The following IFT43 variants were observed in gnomAD, a reference collection of about 807,000 sequenced individuals.
IFT43 encodes intraflagellar transport protein 43 homolog.
A neutral mutation model predicts 32.3 loss-of-function variants in IFT43; 33 were observed. The observed-to-expected ratio is 1.02, with a 90% CI of 0.77 to 1.37. The LOEUF (loss-of-function observed/expected upper bound fraction) is 1.37, where lower values mean the gene tolerates loss of function less well. IFT43 is among the 40% of genes most tolerant of loss of function. The pLI is 0.00. For synonymous variants in IFT43, 93 were observed against 98.2 expected (o/e 0.95, Z 0.31); for missense variants, 274 against 265.9 (o/e 1.03, Z -0.21).
intron 2 of IFT43, among the ~76,000 whole-genome samples, chr14:75,996,205 G>A (rs2035744839): frequency 6.6e-6 from 1 of 152,216 alleles, no homozygotes. Flanking sequence ...TGCACTGTGA[G>A]TCCTCTCTTG....
intron 3 of IFT43, among the ~76,000 whole-genome samples, chr14:76,036,060 T>C (rs1371048055): frequency 6.6e-6 from 1 of 152,220 alleles, no homozygotes; most frequent in Non-Finnish European, 1.5e-5. Context: ...TGACGATATA[T>C]AAATAATAAA....
chr14:76,003,664 G>A (rs1352371917), intron 2 of IFT43, among the ~76,000 whole-genome samples: 2 of 151,860 alleles, frequency 1.3e-5, no homozygotes, highest in African/African-American at 4.8e-5. Flanking sequence ...CATATAAAAT[G>A]TGAGACCCTT....
intron 3 of IFT43, among the ~76,000 whole-genome samples, chr14:76,042,698 A>G (rs181041777): frequency 4.6e-5 from 7 of 152,304 alleles, no homozygotes; most frequent in Non-Finnish European, 8.8e-5. Flanking sequence ...ATTAAGTTCA[A>G]TTACGCATTG....
chr14:75,998,175 G>C (rs1042574170), intron 2 of IFT43, among the ~76,000 whole-genome samples: 1 of 152,058 alleles, frequency 6.6e-6, no homozygotes, highest in Admixed American at 6.5e-5. Context: ...TCATCTCTCT[G>C]ACCAATTGCA....
In IFT43 at chr14:76,060,229, A is replaced by T. The variant is rs534673074; in HGVS notation, c.295+856A>T. 2.3e-4 allele frequency among the ~76,000 whole-genome samples: 35 copies of T among 151,938 alleles called. 1 individual carries two copies. Among genetic ancestry groups the T allele is most frequent in the Middle Eastern group, 6.8e-3 (2 of 292 alleles). On this transcript the variant is annotated intron_variant, in intron 5 of 8. Coordinates refer to ENST00000314067, the MANE Select transcript of IFT43 (RefSeq NM_001102564.3). ...TATTATTGTTATTATTATTATTATT[A>T]TTTTTTGAGGCAGAGTCTCGCTGTG...
At chr14:76,083,159 T>G in intron 7 of IFT43, 68 bp from the exon 8 acceptor site, 1 of 1,572,512 alleles carries the variant, frequency 6.4e-7, no homozygotes, top group Non-Finnish European at 8.8e-7. Flanking sequence ...GATCCCGGTT[T>G]TGTGAGAAAG....
chr14:76,075,601 A>G (rs2037399192), intron 5 of IFT43, among the ~76,000 whole-genome samples: 2 of 152,258 alleles, frequency 1.3e-5, no homozygotes, highest in Non-Finnish European at 2.9e-5. Flanking sequence ...AGACCATGAA[A>G]TGCATGGAGT....
chr14:76,038,889 T>G (rs2036654556), intron 3 of IFT43, among the ~76,000 whole-genome samples: 1 of 152,138 alleles, frequency 6.6e-6, no homozygotes, highest in Non-Finnish European at 1.5e-5. Flanking sequence ...AGCTCATCTG[T>G]GGAGCCTGTT....
intron 5 of IFT43, among the ~76,000 whole-genome samples, chr14:76,078,456 C>T (rs1419305604): frequency 3.9e-5 from 6 of 152,154 alleles, no homozygotes; most frequent in Non-Finnish European, 4.4e-5. Context: ...GGGACCATGT[C>T]TATTTTATTT....
Position 76,059,331 on chromosome 14 carries a change from C to T in IFT43, c.253C>T (p.Arg85Cys), listed in dbSNP as rs547721035. The change falls in exon 5 of 9, where the codon CGC (arginine) becomes TGC (cysteine). Residue 85 changes from arginine to cysteine, a missense_variant. Arg to Cys is a radical substitution (Grantham distance 180, BLOSUM62 -3). Coordinates refer to ENST00000314067, the MANE Select transcript of IFT43 (RefSeq NM_001102564.3). ...TTTCTTCTTTTTTGGGGGCAGTTTC[C>T]GCCTCAGACCACAGAGCCTGAATGG... The part of the protein sequence containing the change: ...RKASEEIEDF[R>C]LRPQSLNGSD... 2.1e-4 allele frequency: 331 copies of T among 1,613,952 alleles called. 4 individuals are homozygous for T. The highest frequency in any genetic ancestry group is 1.8e-3 in the South Asian group (160 of 91,082).
intron 2 of IFT43, among the ~76,000 whole-genome samples, chr14:75,989,491 A>G (rs944458400): frequency 6.6e-6 from 1 of 152,120 alleles, no homozygotes; most frequent in African/African-American, 2.4e-5. Flanking sequence ...CTGATGAGCA[A>G]TACTTTTTAC....
At chr14:76,010,291 G>T (rs2036058264) in intron 2 of IFT43, among the ~76,000 whole-genome samples, 1 of 152,068 alleles carries the variant, frequency 6.6e-6, no homozygotes, top group South Asian at 2.1e-4. Context: ...AGCATATTAG[G>T]AATTACCAAC....
intron 5 of IFT43, among the ~76,000 whole-genome samples, chr14:76,077,271 T>C (rs1036381814): frequency 1.3e-5 from 2 of 152,122 alleles, no homozygotes; most frequent in South Asian, 4.1e-4. Flanking sequence ...TTTGCTATGA[T>C]GTTATCAAAT....
At chr14:76,005,432 C>G (rs2035963657) in intron 2 of IFT43, among the ~76,000 whole-genome samples, 1 of 152,210 alleles carries the variant, frequency 6.6e-6, no homozygotes, top group Non-Finnish European at 1.5e-5. Context: ...CTTTGTGGAA[C>G]TCAAACTCCA....
At chr14:76,076,394 CAA>C (rs1320746309) in intron 5 of IFT43, among the ~76,000 whole-genome samples, 3 of 152,152 alleles carry the variant, frequency 2.0e-5, no homozygotes, top group African/African-American at 4.8e-5. Flanking sequence ...AGAAAATTAG[CAA>C]AGAGTTAAGG....
At chr14:75,996,392 A>G (rs563484177) in intron 2 of IFT43, among the ~76,000 whole-genome samples, 3 of 152,350 alleles carry the variant, frequency 2.0e-5, no homozygotes, top group Admixed American at 2.0e-4. Flanking sequence ...GGAGGGTTAA[A>G]TAAAATATAT....
intron 2 of IFT43, 44 bp downstream of exon 2, chr14:75,989,021 G>A: frequency 6.2e-7 from 1 of 1,608,882 alleles, no homozygotes; most frequent in Non-Finnish European, 8.5e-7. Context: ...TACTGTTTAA[G>A]AGTTAGTGAT....
intron 2 of IFT43, among the ~76,000 whole-genome samples, chr14:75,992,195 A>G (rs1045469096): frequency 3.9e-5 from 6 of 152,218 alleles, no homozygotes; most frequent in African/African-American, 1.4e-4. Context: ...AGGGCTTCGC[A>G]CCAGAGGACT....
In IFT43 at chr14:76,083,242, C is replaced by G; in HGVS notation, c.460C>G (p.Leu154Val). 1.2e-6 allele frequency: 2 copies of G among 1,614,146 alleles called. No individual in the cohort carries two copies. The highest frequency in any genetic ancestry group is 1.7e-6 in the Non-Finnish European group (2 of 1,180,022). ...GCATTCACAGGATGGGGAGATCGAC[C>G]TGAAACTCCTCACCAAAGTGCTCGC... ...AIQTLDGEID[L>V]KLLTKVLAPE... Residue 154 changes from leucine (L) to valine (V), a missense_variant, in exon 8 of 9, where the codon CTG becomes GTG. By Grantham distance (32) the Leu-to-Val change is conservative. Transcript: ENST00000314067.
Sources: allele counts gnomAD v4.1 joint callset (sites outside exome capture counted in the v4.1 genomes callset), GRCh38; gene constraint gnomAD v4.1.1; transcripts MANE v1.5; gene names NCBI Gene and HGNC (gene_info 2026-07-23, HGNC 2026-07-21).